The following MAPK10 variants were observed in gnomAD, a reference collection of about 807,000 sequenced individuals.
MAPK10 encodes mitogen-activated protein kinase 10.
MAPK10 carries 25 observed loss-of-function variants against 59.3 expected under a neutral mutation model. The ratio of observed to expected loss-of-function variants is 0.42; its 90% confidence interval spans 0.31 to 0.59. MAPK10 has a LOEUF of 0.59. MAPK10 is among the 20% of genes least tolerant of loss of function. MAPK10 has a pLI of 0.15. For missense variants in MAPK10, 351 were observed against 568.9 expected (o/e 0.62, Z 3.90); for synonymous variants, 190 against 200.5 (o/e 0.95, Z 0.44).
At chr4:86,385,004 A>C (rs1416815682) in intron 1 of MAPK10, among the ~76,000 whole-genome samples, 1 of 152,102 alleles carries the variant, frequency 6.6e-6, no homozygotes, top group Non-Finnish European at 1.5e-5. Context: ...ATTTAATTAC[A>C]CCTAAATTGT....
chr4:86,492,126 T>C (rs1349211001), intron 1 of MAPK10, among the ~76,000 whole-genome samples: 3 of 152,204 alleles, frequency 2.0e-5, no homozygotes, highest in Non-Finnish European at 2.9e-5. Flanking sequence ...GTTCTCAAAA[T>C]TGGAGTATGT....
At chr4:86,254,538 GA>G (rs987229201) in intron 2 of MAPK10, among the ~76,000 whole-genome samples, 2 of 126,610 alleles carry the variant, frequency 1.6e-5, no homozygotes, top group Middle Eastern at 3.6e-3. Context: ...TGGTCTGTGA[GA>G]TAGTTTGTTA....
intron 3 of MAPK10, among the ~76,000 whole-genome samples, chr4:86,171,534 C>A (rs1026096470): frequency 6.6e-6 from 1 of 152,030 alleles, no homozygotes; most frequent in Non-Finnish European, 1.5e-5. Flanking sequence ...ATGTAGAAAG[C>A]GGAAACTGGA....
intron 1 of MAPK10, among the ~76,000 whole-genome samples, chr4:86,511,814 C>G (rs574538506): frequency 1.6e-5 from 2 of 124,258 alleles, no homozygotes; most frequent in Admixed American, 9.6e-5. Flanking sequence ...AGGAAGGAAA[C>G]AAGGAAGGAA....
chr4:86,330,268 C>T (rs189294189), intron 2 of MAPK10, among the ~76,000 whole-genome samples: 27 of 152,292 alleles, frequency 1.8e-4, no homozygotes, highest in African/African-American at 6.0e-4. Context: ...AACTTCTCAA[C>T]CTAACAGGAT....
intron 2 of MAPK10, among the ~76,000 whole-genome samples, chr4:86,258,598 C>A (rs1425420410): frequency 6.6e-6 from 1 of 152,134 alleles, no homozygotes; most frequent in Admixed American, 6.5e-5. Context: ...ATGCCTCTAT[C>A]CAATGCAATC....
At chr4:86,077,333 TG>T (rs1193930660) in intron 9 of MAPK10, among the ~76,000 whole-genome samples, 7 of 152,226 alleles carry the variant, frequency 4.6e-5, no homozygotes, top group African/African-American at 1.7e-4. Context: ...TAGCTTCCTT[TG>T]TTAGGGAACT....
intron 2 of MAPK10, among the ~76,000 whole-genome samples, chr4:86,220,688 T>G (rs184893826): frequency 6.6e-6 from 1 of 152,344 alleles, no homozygotes; most frequent in Admixed American, 6.5e-5. Context: ...TACAAGTAAT[T>G]TTTAACAGTA....
chr4:86,438,482 G>C (rs1749039446), intron 1 of MAPK10, among the ~76,000 whole-genome samples: 1 of 152,018 alleles, frequency 6.6e-6, no homozygotes, highest in Admixed American at 6.6e-5. Flanking sequence ...CTGAGGTCAG[G>C]AGTTCTAGAC....
intron 1 of MAPK10, among the ~76,000 whole-genome samples, chr4:86,433,555 C>CTTTT (rs574706672): frequency 4.6e-4 from 45 of 97,604 alleles, no homozygotes; most frequent in Admixed American, 6.9e-4. Context: ...GGGCCTTCTT[C>CTTTT]TTTTTTTTTT....
intron 2 of MAPK10, among the ~76,000 whole-genome samples, chr4:86,329,766 C>T (rs1047990107): frequency 5.3e-5 from 8 of 152,136 alleles, no homozygotes; most frequent in African/African-American, 1.9e-4. Flanking sequence ...TCATTTCTAC[C>T]TTCCAAAAAT....
At chr4:86,052,555 G>T (rs1199416368) in intron 11 of MAPK10, among the ~76,000 whole-genome samples, 2 of 151,174 alleles carry the variant, frequency 1.3e-5, no homozygotes, top group Non-Finnish European at 2.9e-5. Context: ...AAAGCTCAGT[G>T]CTGGGTAGTG....
At chr4:86,548,351 A>C (rs576993754) in intron 1 of MAPK10, among the ~76,000 whole-genome samples, 1 of 152,176 alleles carries the variant, frequency 6.6e-6, no homozygotes, top group Non-Finnish European at 1.5e-5. Context: ...AACTCCGGAC[A>C]TGCCACCTTT....
intron 3 of MAPK10, among the ~76,000 whole-genome samples, chr4:86,179,213 A>T (rs528525627): frequency 1.9e-4 from 29 of 152,112 alleles, no homozygotes; most frequent in Non-Finnish European, 3.1e-4. Flanking sequence ...AATAAAAATA[A>T]AAAAAGAAAG....
chr4:86,247,993 C>T (rs968864536), intron 2 of MAPK10, among the ~76,000 whole-genome samples: 2 of 152,174 alleles, frequency 1.3e-5, no homozygotes, highest in Non-Finnish European at 1.5e-5. Flanking sequence ...AGTAGCTGGA[C>T]ACTTTTCTTC....
chr4:86,195,740 C>T (rs756016830), intron 2 of MAPK10, among the ~76,000 whole-genome samples: 109 of 152,086 alleles, frequency 7.2e-4, no homozygotes, highest in Non-Finnish European at 1.3e-3. Flanking sequence ...CCCTGACAGG[C>T]CCCTGTGTGT....
chr4:86,423,783 A>G (rs865921394), intron 1 of MAPK10, among the ~76,000 whole-genome samples: 1 of 123,480 alleles, frequency 8.1e-6, no homozygotes, highest in Non-Finnish European at 1.8e-5. Flanking sequence ...ATATATATAT[A>G]TATATATATA....
chr4:86,415,074 G>T (rs1481659705), intron 1 of MAPK10, among the ~76,000 whole-genome samples: 4 of 151,394 alleles, frequency 2.6e-5, no homozygotes, highest in Admixed American at 6.6e-5. Flanking sequence ...TGGAGGTCGA[G>T]GCTGCAGTGA....
At position 86,444,832 on chromosome 4, in the gene MAPK10, T is replaced by C. The variant is rs190113830; in HGVS notation, c.-122+8198A>G. On this transcript the variant is annotated intron_variant, in intron 1 of 13. Transcript: ENST00000361569. ...ATATAAAAAAAGAGCTCAACATCAT[T>C]GATCATTAGAGAAATGCAAATCAAA... is the stretch of plus-strand genomic sequence containing the variant. 7.9e-5 allele frequency among the ~76,000 whole-genome samples: 12 copies of C among 152,138 alleles called. No individual in the cohort carries two copies. In the East Asian group the frequency reaches 2.1e-3, roughly 27 times the overall value.
Sources: allele counts gnomAD v4.1 joint callset (sites outside exome capture counted in the v4.1 genomes callset), GRCh38; gene constraint gnomAD v4.1.1; transcripts MANE v1.5; gene names NCBI Gene and HGNC (gene_info 2026-07-23, HGNC 2026-07-21).